The following EVC variants were observed in gnomAD, a reference collection of about 807,000 sequenced individuals.
The protein encoded by EVC is EvC ciliary complex subunit 1.
EVC carries 116 observed loss-of-function variants against 118.9 expected under a neutral mutation model. That is an observed-to-expected ratio of 0.98 (90% CI 0.84 to 1.14). EVC has a LOEUF of 1.14. EVC is among the 50% of genes most tolerant of loss of function. EVC has a pLI of 0.00. For missense variants in EVC, 1,401 were observed against 1,246.4 expected, an observed-to-expected ratio of 1.12 and a Z score of -1.87; for synonymous variants, 619 against 534.7, an observed-to-expected ratio of 1.16 and a Z score of -2.18.
At chr4:5,787,086 C>T (rs1327063658) in intron 12 of EVC, among the ~76,000 whole-genome samples, 3 of 152,162 alleles carry the variant, frequency 2.0e-5, no homozygotes, top group Non-Finnish European at 2.9e-5. Context: ...GACAGTGGGT[C>T]GTTTCATATC....
Position 5,731,307 on chromosome 4 carries a change from C to A in EVC, c.385-118C>A. 2 of 909,356 alleles carry A rather than the reference C, an allele frequency of 2.2e-6. No homozygotes were observed. The highest frequency in any genetic ancestry group is 3.7e-6 in the Non-Finnish European group (2 of 540,912). The allele number at this position is 909,356 out of a possible 1,614,324, so 56.3% of individuals were successfully genotyped here. ...GGTGTCTGCTGGCACCCTGGCCAGT[C>A]TCCTCCAGGCAGACCTTCCTGTGAG... is the stretch of plus-strand genomic sequence containing the variant. On this transcript the variant is annotated intron_variant, in intron 3 of 20. Transcript: ENST00000264956. The surrounding 1 kb of genome is among the most constrained non-coding windows in gnomAD (Gnocchi z 5.6).
the EVC span, chr4:5,824,896 G>GA: frequency 1.0e-6 from 1 of 985,396 alleles, no homozygotes. Flanking sequence ...GAGACCTTAA[G>GA]AAAGTCAGGA....
intron 3 of EVC, among the ~76,000 whole-genome samples, chr4:5,729,832 A>G (rs1304112534): frequency 7.2e-5 from 11 of 152,188 alleles, no homozygotes; most frequent in Non-Finnish European, 1.6e-4. Context: ...CAGGTAAATA[A>G]TGTCTCCACT....
chr4:5,773,826 G>T (rs897460778), intron 11 of EVC, among the ~76,000 whole-genome samples: 1 of 152,084 alleles, frequency 6.6e-6, no homozygotes, highest in East Asian at 1.9e-4. Context: ...GGACCCACTT[G>T]TCAGGGGAAC....
At position 5,783,675 on chromosome 4, in the gene EVC, G is replaced by A. The variant is rs539010490; in HGVS notation, c.1687G>A (p.Glu563Lys). ...ECDYLRQEVQ[E>K]NAAWQLGKSN... ...TGACTACTTGAGGCAGGAAGTCCAG[G>A]AGAACGCTGCCTGGCAGCTGGGGAA... The change falls in exon 12 of 21, where the codon GAG becomes AAG. Residue 563 changes from glutamate to lysine, a missense_variant. Coordinates refer to ENST00000264956, the MANE Select transcript of EVC (RefSeq NM_153717.3). 1 of 1,614,178 alleles carries A rather than the reference G, an allele frequency of 6.2e-7. No individual in the cohort carries two copies. Among genetic ancestry groups the A allele is most frequent in the African/African-American group, 1.3e-5 (1 of 75,040 alleles).
chr4:5,726,629 G>A (rs1015628825), intron 2 of EVC, among the ~76,000 whole-genome samples: 2 of 140,830 alleles, frequency 1.4e-5, no homozygotes, highest in African/African-American at 5.3e-5. Flanking sequence ...GTGCAGGTTA[G>A]TTACATATGT....
chr4:5,768,122 G>A (rs1733261123), intron 11 of EVC, among the ~76,000 whole-genome samples: 1 of 152,118 alleles, frequency 6.6e-6, no homozygotes, highest in Non-Finnish European at 1.5e-5. Flanking sequence ...TGGGGAAGCT[G>A]GGGAGGAAGG....
At chr4:5,759,430 T>C (rs531654117) in intron 11 of EVC, among the ~76,000 whole-genome samples, 81 of 152,226 alleles carry the variant, frequency 5.3e-4, no homozygotes, top group African/African-American at 1.4e-3. Flanking sequence ...GAGCCAGACA[T>C]CTGGGGTTCA....
chr4:5,772,742 C>A (rs1441663475), intron 11 of EVC, among the ~76,000 whole-genome samples: 2 of 152,120 alleles, frequency 1.3e-5, no homozygotes, highest in Admixed American at 6.5e-5. Flanking sequence ...CATCACCCTT[C>A]CTAAAGTTCT....
chr4:5,750,945 T>C (rs1009524130), intron 8 of EVC, among the ~76,000 whole-genome samples: 4 of 152,168 alleles, frequency 2.6e-5, no homozygotes, highest in Non-Finnish European at 5.9e-5. Flanking sequence ...CCCATCTTTC[T>C]GGCCTGGGCA....
chr4:5,817,622 T>G (rs898855167), downstream of EVC, among the ~76,000 whole-genome samples: 1 of 152,224 alleles, frequency 6.6e-6, no homozygotes, highest in Non-Finnish European at 1.5e-5. Context: ...GGTTTTTCAC[T>G]TCATAAATGG....
At position 5,771,025 on chromosome 4, in the gene EVC, A is replaced by C. The variant is rs571013811; in HGVS notation, c.1564-12527A>C. Among the ~76,000 whole-genome samples, 4 of 150,280 alleles carry C rather than the reference A, an allele frequency of 2.7e-5. No homozygotes were observed. In the South Asian group the frequency reaches 8.5e-4, roughly 32 times the overall value. ...AGACTTCATTTCAAAAAAAAAAAGA[A>C]AAGAAAATACATCAATGCATCAGCT... On this transcript the variant is annotated intron_variant, in intron 11 of 20. Transcript: ENST00000264956.
At chr4:5,736,555 T>C (rs1038984442) in intron 5 of EVC, among the ~76,000 whole-genome samples, 3 of 150,680 alleles carry the variant, frequency 2.0e-5, no homozygotes, top group Admixed American at 1.3e-4. Flanking sequence ...CAACTCTGCA[T>C]CCAGCAAGTC....
intron 2 of EVC, among the ~76,000 whole-genome samples, chr4:5,722,227 C>A (rs541090537): frequency 4.6e-5 from 7 of 152,130 alleles, no homozygotes; most frequent in African/African-American, 7.2e-5. Flanking sequence ...GTTCCTGCCA[C>A]GGAATAAGTG....
Position 5,768,805 on chromosome 4 carries a change from C to T in EVC, c.1563+12443C>T, listed in dbSNP as rs747994244. On this transcript the variant is annotated intron_variant, in intron 11 of 20. Transcript: ENST00000264956. ...CCAGGAGGTGGAGGTTGCAGTGAGG[C>T]GAGATCACACCACTGTACTCTAGCC... Among the ~76,000 whole-genome samples, 25 of 148,464 alleles carry T rather than the reference C, an allele frequency of 1.7e-4. No individual in the cohort carries two copies. In the South Asian group the frequency reaches 2.6e-3, roughly 15 times the overall value.
chr4:5,748,634 GCCC>G (rs1729803893), intron 8 of EVC, among the ~76,000 whole-genome samples: 1 of 89,956 alleles, frequency 1.1e-5, no homozygotes, highest in African/African-American at 4.3e-5. Context: ...CCATCCATCT[GCCC>G]TCCCACCCAT....
the EVC span, chr4:5,828,386 G>T: frequency 4.8e-6 from 7 of 1,468,752 alleles, 1 homozygote; most frequent in Non-Finnish European, 6.3e-6. Flanking sequence ...GGTTCCCAGG[G>T]CGATGACATT....
At position 5,798,641 on chromosome 4, in the gene EVC, G is replaced by C. The variant is rs747756961; in HGVS notation, c.2153G>C (p.Arg718Pro). 6.3e-7 allele frequency: 1 copy of C among 1,592,830 alleles called. No homozygotes were observed. Among genetic ancestry groups the C allele is most frequent in the Non-Finnish European group, 8.5e-7 (1 of 1,171,432 alleles). Reference protein sequence around the residue: ...SRLEEEAQQTRLQLQQRLLAE... With the variant: ...SRLEEEAQQTPLQLQQRLLAE... ...CTAGAGGAGGAAGCACAGCAGACAC[G>C]GCTGCAGCTCCAGCAGCGGCTCCTG... Residue 718 changes from arginine to proline, a missense_variant, in exon 15 of 21, where the codon CGG becomes CCG. Coordinates refer to ENST00000264956, the MANE Select transcript of EVC (RefSeq NM_153717.3). The surrounding 1 kb of genome is among the most constrained non-coding windows in gnomAD (Gnocchi z 4.1).
chr4:5,735,492 C>T (rs1307028394), intron 5 of EVC, among the ~76,000 whole-genome samples: 2 of 152,232 alleles, frequency 1.3e-5, no homozygotes, highest in Non-Finnish European at 2.9e-5. Context: ...ACTGGGAAGT[C>T]AAGCTGCCCT....
Sources: gnomAD v4.1 joint callset for allele counts (sites outside exome capture counted in the v4.1 genomes callset) on GRCh38, gnomAD v4.1.1 for gene constraint, Gnocchi (gnomAD v3.1) non-coding constraint, MANE v1.5 for transcripts, NCBI Gene and HGNC (gene_info 2026-07-23, HGNC 2026-07-21) for gene names.